The following AK8 variants were observed in gnomAD, a reference collection of about 807,000 sequenced individuals.
AK8 encodes adenylate kinase 8, also known as ATP-AMP transphosphorylase 8.
A neutral mutation model predicts 54.6 loss-of-function variants in AK8; 44 were observed. The ratio of observed to expected loss-of-function variants is 0.81; its 90% CI spans 0.63 to 1.04. The LOEUF (loss-of-function observed/expected upper bound fraction) is 1.04. Among genes scored for constraint, AK8 ranks in the 50% least tolerant of loss-of-function variants. The pLI is 0.00. For synonymous variants in AK8, 239 were observed against 245.6 expected (o/e 0.97, Z 0.25); for missense variants, 555 against 613.6 (o/e 0.90, Z 1.01).
At chr9:132,870,246 C>T (rs1271535129) in intron 2 of AK8, among the ~76,000 whole-genome samples, 2 of 152,220 alleles carry the variant, frequency 1.3e-5, no homozygotes, top group Admixed American at 6.5e-5. Flanking sequence ...ATTTCTCCCA[C>T]ACATTTATGT....
intron 11 of AK8, among the ~76,000 whole-genome samples, chr9:132,768,085 T>C (rs1838797036): frequency 6.6e-6 from 1 of 152,142 alleles, no homozygotes; most frequent in African/African-American, 2.4e-5. Context: ...TATTTCAAAA[T>C]AGCCAGAAGA....
intron 11 of AK8, among the ~76,000 whole-genome samples, chr9:132,766,744 T>C (rs749438649): frequency 1.3e-5 from 2 of 152,172 alleles, no homozygotes; most frequent in African/African-American, 2.4e-5. Context: ...TACAAAGCTA[T>C]AGTAACCAAA....
intron 11 of AK8, among the ~76,000 whole-genome samples, chr9:132,785,311 C>A (rs536681955): frequency 2.0e-5 from 3 of 152,218 alleles, no homozygotes; most frequent in South Asian, 4.2e-4. Context: ...ACCATATTGT[C>A]CAGGCAGGTC....
Position 132,854,850 on chromosome 9 carries a change from G to C in AK8, c.402+7C>G. ...GCACTGAAACCCCTAGCTCACTGGAGTCTTACCTGCTTGATGCAATCCTCT... is the reference window on the plus strand; with the variant it reads ...GCACTGAAACCCCTAGCTCACTGGACTCTTACCTGCTTGATGCAATCCTCT... On this transcript the variant is annotated splice_region_variant and intron_variant, in intron 5 of 12. Transcript: ENST00000298545. The C allele has an allele frequency of 6.2e-7, 1 of 1,614,028 alleles. No individual in the cohort carries two copies. Among genetic ancestry groups the C allele is most frequent in the Non-Finnish European group, 8.5e-7 (1 of 1,180,014 alleles).
chr9:132,808,645 C>T (rs433672), intron 10 of AK8, among the ~76,000 whole-genome samples: 42,802 of 151,858 alleles, frequency 0.28, 6,153 homozygotes, highest in East Asian at 0.49. Context: ...AGAGGCTGCA[C>T]GGGGAAAAGA....
At chr9:132,828,803 T>A in intron 5 of AK8, 77 bp from the exon 6 acceptor site, 1 of 1,161,348 alleles carries the variant, frequency 8.6e-7, no homozygotes, top group Non-Finnish European at 1.2e-6. Context: ...AGGAATATAA[T>A]AGCTTTATAG....
At position 132,843,832 on chromosome 9, in the gene AK8, G is replaced by A. The variant is rs373512202; in HGVS notation, c.402+11025C>T. Among the ~76,000 whole-genome samples, 21 of 152,108 alleles carry A rather than the reference G, an allele frequency of 1.4e-4. 1 individual carries two copies. Among genetic ancestry groups the A allele is most frequent in the African/African-American group, 3.9e-4 (16 of 41,412 alleles). Reference sequence around the variant, plus strand: ...AGTGAGGGGGGACTTTGGTGCCTTTGGAACCATAGGAATGAATATATCATG... The same window carrying A: ...AGTGAGGGGGGACTTTGGTGCCTTTAGAACCATAGGAATGAATATATCATG... On this transcript the variant is annotated intron_variant, in intron 5 of 12. Coordinates refer to ENST00000298545, the MANE Select transcript of AK8 (RefSeq NM_152572.3).
chr9:132,818,618 A>C (rs1841438185), intron 9 of AK8, among the ~76,000 whole-genome samples: 1 of 152,196 alleles, frequency 6.6e-6, no homozygotes, highest in African/African-American at 2.4e-5. Flanking sequence ...GGATTACTAA[A>C]AAATACTTGG....
intron 11 of AK8, 123 bp from the exon 12 acceptor site, chr9:132,727,657 G>T: frequency 1.1e-6 from 1 of 899,190 alleles, no homozygotes; most frequent in Non-Finnish European, 1.7e-6. Context: ...GATTCCTAGA[G>T]CCAGCAAGCA....
At chr9:132,755,639 C>T (rs1343151980) in intron 11 of AK8, among the ~76,000 whole-genome samples, 1 of 152,204 alleles carries the variant, frequency 6.6e-6, no homozygotes, top group East Asian at 1.9e-4. Context: ...AGCCATAAAT[C>T]ACCAGCTATA....
At chr9:132,844,950 A>C (rs1004750967) in intron 5 of AK8, among the ~76,000 whole-genome samples, 2 of 152,212 alleles carry the variant, frequency 1.3e-5, no homozygotes, top group African/African-American at 4.8e-5. Context: ...TCTGGGATTT[A>C]ATTGTGGGAT....
intron 5 of AK8, among the ~76,000 whole-genome samples, chr9:132,843,384 A>G (rs1200860565): frequency 6.6e-6 from 1 of 152,172 alleles, no homozygotes; most frequent in Admixed American, 6.5e-5. Context: ...AGGCCTTCCC[A>G]GAAGCAGAGC....
At chr9:132,757,364 G>C (rs1168471581) in intron 11 of AK8, among the ~76,000 whole-genome samples, 2 of 152,202 alleles carry the variant, frequency 1.3e-5, no homozygotes, top group Non-Finnish European at 2.9e-5. Flanking sequence ...CCATCTCACG[G>C]CAGGTGAAGA....
intron 7 of AK8, chr9:132,827,369 C>T: frequency 2.3e-6 from 1 of 429,212 alleles, no homozygotes; most frequent in Non-Finnish European, 4.3e-6. Flanking sequence ...GCCATCCCAT[C>T]ACCCATTAGG....
At chr9:132,835,995 T>C (rs1388101965) in intron 5 of AK8, among the ~76,000 whole-genome samples, 1 of 152,130 alleles carries the variant, frequency 6.6e-6, no homozygotes, top group Non-Finnish European at 1.5e-5. Flanking sequence ...TGGTGGCGCA[T>C]GCCTGTAATC....
chr9:132,797,304 G>A (rs1840220235), intron 10 of AK8, among the ~76,000 whole-genome samples: 1 of 151,810 alleles, frequency 6.6e-6, no homozygotes, highest in Non-Finnish European at 1.5e-5. Context: ...CACGAAGGAA[G>A]GAAGGAAGGG....
chr9:132,782,484 G>C (rs966267733), intron 11 of AK8, among the ~76,000 whole-genome samples: 2 of 152,184 alleles, frequency 1.3e-5, no homozygotes, highest in Non-Finnish European at 2.9e-5. Flanking sequence ...GAGGTCAGGA[G>C]TTTGACACCA....
In AK8 at chr9:132,822,684, T is replaced by C. The variant is rs1005584075; in HGVS notation, c.889+521A>G. Among the ~76,000 whole-genome samples, 4 of 152,126 alleles carry C rather than the reference T, an allele frequency of 2.6e-5. No homozygotes were observed. In the East Asian group the frequency reaches 7.7e-4, roughly 29 times the overall value. ...CCCCGGGAAAGACCTGGAGAGCTGA[T>C]TTCAATATTTTCTCTCTTCCTGGTA... On this transcript the variant is annotated intron_variant, in intron 9 of 12. Transcript: ENST00000298545.
chr9:132,789,493 A>T lies in AK8; in HGVS notation c.1121+3141T>A, dbSNP rs1839854448. ...ACACTTGTAATCCCAGCTACTCAGG[A>T]GGAGGAGGCAGGAGAATCACTTGAA... On this transcript the variant is annotated intron_variant, in intron 11 of 12. Coordinates refer to ENST00000298545, the MANE Select transcript of AK8 (RefSeq NM_152572.3). 2.1e-5 allele frequency among the ~76,000 whole-genome samples: 3 copies of T among 144,790 alleles called. No homozygotes were observed. The Admixed American group carries it at 2.1e-4, about 10-fold the overall frequency. The allele number at this position is 144,790 out of a possible 152,430, so 95.0% of individuals were successfully genotyped here. A position where few individuals can be genotyped will look rare whatever the true frequency, so the allele number is the denominator to read the frequency against.
Sources: allele counts gnomAD v4.1 joint callset (sites outside exome capture counted in the v4.1 genomes callset), GRCh38; gene constraint gnomAD v4.1.1; transcripts MANE v1.5; gene names NCBI Gene and HGNC (gene_info 2026-07-23, HGNC 2026-07-21).